The following CPED1 variants were observed in gnomAD, a reference collection of about 807,000 sequenced individuals.
CPED1 encodes the protein cadherin like and PC-esterase domain containing 1.
CPED1 carries 114 observed loss-of-function variants against 128.2 expected under a neutral mutation model. The ratio of observed to expected loss-of-function variants is 0.89; its 90% CI spans 0.76 to 1.04. The LOEUF (loss-of-function observed/expected upper bound fraction) is 1.04. CPED1 is among the 50% of genes least tolerant of loss of function. The pLI, the probability that CPED1 is intolerant of heterozygous loss-of-function variation, is 0.00. For synonymous variants in CPED1, 462 were observed against 426.7 expected, an observed-to-expected ratio of 1.08 and a Z score of -1.02; for missense variants, 1,211 against 1,207.1, an observed-to-expected ratio of 1.00 and a Z score of -0.05.
chr7:121,050,129 A>C (rs769663257), intron 4 of CPED1, among the ~76,000 whole-genome samples: 2 of 152,212 alleles, frequency 1.3e-5, no homozygotes, highest in Non-Finnish European at 2.9e-5. Flanking sequence ...CTCCTAAAAT[A>C]GAAATCTGGC....
chr7:121,064,212 A>G (rs376395002), intron 4 of CPED1, 26 bp from the exon 5 acceptor site: 121 of 1,503,902 alleles, frequency 8.0e-5, no homozygotes, highest in Non-Finnish European at 1.0e-4. Flanking sequence ...TGCCTCACTC[A>G]CTAGAATCTT....
At chr7:121,073,363 C>T (rs913342425) in intron 5 of CPED1, among the ~76,000 whole-genome samples, 1 of 152,010 alleles carries the variant, frequency 6.6e-6, no homozygotes, top group Admixed American at 6.6e-5. Context: ...TCTGCTGCCT[C>T]GGGGAGGCAT....
intron 16 of CPED1, among the ~76,000 whole-genome samples, chr7:121,189,761 TA>T (rs1197621077): frequency 1.7e-3 from 18 of 10,448 alleles, no homozygotes; most frequent in Non-Finnish European, 3.1e-3. Flanking sequence ...TATGAGGTTT[TA>T]TATATATATA....
At chr7:121,222,962 G>A (rs1205477274) in intron 16 of CPED1, among the ~76,000 whole-genome samples, 1 of 152,094 alleles carries the variant, frequency 6.6e-6, no homozygotes, top group Non-Finnish European at 1.5e-5. Context: ...TCTCTTGCCT[G>A]ATTGCCCTGG....
Position 121,211,386 on chromosome 7 carries a change from A to G in CPED1, c.2056-25328A>G, listed in dbSNP as rs140993830. Among the ~76,000 whole-genome samples the G allele has an allele frequency of 4.1e-3, 626 of 152,232 alleles. 1 individual carries two copies. The highest frequency in any genetic ancestry group is 0.014 in the Middle Eastern group (4 of 294). On this transcript the variant is annotated intron_variant, in intron 16 of 22. Transcript: ENST00000310396. ...TGGTTTTGACCTGTTGAAATTAGCGAAGTCAGTGGAGCCTTAAAACACAGT... is the reference window on the plus strand; with the variant it reads ...TGGTTTTGACCTGTTGAAATTAGCGGAGTCAGTGGAGCCTTAAAACACAGT...
Position 121,127,221 on chromosome 7 carries a change from G to C in CPED1, c.1266G>C (p.Glu422Asp). 2.5e-6 allele frequency: 4 copies of C among 1,589,638 alleles called. No individual in the cohort carries two copies. The highest frequency in any genetic ancestry group is 1.1e-5 in the South Asian group (1 of 90,188). ...AATCATCACTTTCCATATTTTCTGAGATATTTCAGAGACTTTATAGATCAG... is the reference window on the plus strand; with the variant it reads ...AATCATCACTTTCCATATTTTCTGACATATTTCAGAGACTTTATAGATCAG... ...PNESSLSIFS[E>D]IFQRLYRSDV... The change falls in exon 10 of 23, where the codon GAG becomes GAC. Residue 422 changes from glutamate (E) to aspartate (D), a missense_variant. Physicochemically the swap from Glu to Asp is conservative, Grantham distance 45. Coordinates refer to ENST00000310396, the MANE Select transcript of CPED1 (RefSeq NM_024913.5).
intron 16 of CPED1, among the ~76,000 whole-genome samples, chr7:121,163,167 A>G (rs1309645866): frequency 6.6e-6 from 1 of 152,122 alleles, no homozygotes; most frequent in Admixed American, 6.6e-5. Context: ...CATTTATCCA[A>G]CTGCATTTGA....
chr7:121,020,907 C>G (rs1309996859), intron 3 of CPED1, among the ~76,000 whole-genome samples: 1 of 151,762 alleles, frequency 6.6e-6, no homozygotes, highest in Non-Finnish European at 1.5e-5. Flanking sequence ...GGTCAAAAGC[C>G]AGAGCAACAT....
chr7:121,216,042 T>A (rs112414003), intron 16 of CPED1, among the ~76,000 whole-genome samples: 8 of 152,198 alleles, frequency 5.3e-5, no homozygotes, highest in African/African-American at 1.9e-4. Context: ...TGGCATAGCC[T>A]TGGCTCAGAT....
chr7:121,163,999 A>G (rs1470163109), intron 16 of CPED1, among the ~76,000 whole-genome samples: 1 of 152,246 alleles, frequency 6.6e-6, no homozygotes, highest in Non-Finnish European at 1.5e-5. Context: ...TAAACATTTT[A>G]GTTAGAAGTA....
chr7:120,992,343 CA>C (rs1796322044), intron 2 of CPED1, among the ~76,000 whole-genome samples: 1 of 152,002 alleles, frequency 6.6e-6, no homozygotes, highest in South Asian at 2.1e-4. Context: ...TTACTTAAAC[CA>C]GCTGATTTTG....
intron 22 of CPED1, among the ~76,000 whole-genome samples, chr7:121,285,123 T>C (rs1359566672): frequency 6.6e-6 from 1 of 152,148 alleles, no homozygotes; most frequent in Admixed American, 6.5e-5. Context: ...CCAACACCAT[T>C]TGGAAGCTGC....
At chr7:121,259,652 T>TAGGA (rs1416649738) in intron 18 of CPED1, among the ~76,000 whole-genome samples, 2 of 151,924 alleles carry the variant, frequency 1.3e-5, no homozygotes, top group Non-Finnish European at 1.5e-5. Context: ...GTAAAATATG[T>TAGGA]AGGAAATAGT....
intron 5 of CPED1, among the ~76,000 whole-genome samples, chr7:121,087,392 A>C (rs1794450674): frequency 6.6e-6 from 1 of 152,182 alleles, no homozygotes; most frequent in Non-Finnish European, 1.5e-5. Flanking sequence ...AAATCAGTTT[A>C]TTATTTCCCA....
intron 12 of CPED1, among the ~76,000 whole-genome samples, chr7:121,131,268 AC>A (rs1795658377): frequency 1.3e-5 from 2 of 152,246 alleles, no homozygotes; most frequent in South Asian, 4.1e-4. Context: ...ATCAGAATTC[AC>A]CTTATTTGCC....
intron 7 of CPED1, among the ~76,000 whole-genome samples, chr7:121,116,999 T>TAC (rs1795255964): frequency 6.8e-6 from 1 of 146,492 alleles, no homozygotes; most frequent in Non-Finnish European, 1.5e-5. Flanking sequence ...CACATATATA[T>TAC]ACACACACAC....
At chr7:121,275,436 G>A (rs1017662583) in intron 22 of CPED1, among the ~76,000 whole-genome samples, 9 of 152,138 alleles carry the variant, frequency 5.9e-5, no homozygotes, top group African/African-American at 2.2e-4. Context: ...TTGCCCAAGA[G>A]AGGTTTTGGA....
intron 12 of CPED1, among the ~76,000 whole-genome samples, chr7:121,131,400 G>A (rs1236164064): frequency 2.6e-5 from 4 of 151,088 alleles, no homozygotes; most frequent in Admixed American, 1.3e-4. Context: ...CACTTTGTTT[G>A]TACTTTACAC....
chr7:121,154,634 C>T (rs1317782351), intron 16 of CPED1, among the ~76,000 whole-genome samples: 2 of 152,096 alleles, frequency 1.3e-5, no homozygotes, highest in Non-Finnish European at 2.9e-5. Context: ...CAACCTCCAG[C>T]TCCCTGGTTC....
Sources: allele counts gnomAD v4.1 joint callset (sites outside exome capture counted in the v4.1 genomes callset), GRCh38; gene constraint gnomAD v4.1.1; transcripts MANE v1.5; gene names NCBI Gene and HGNC (gene_info 2026-07-23, HGNC 2026-07-21).